Variants in ZNF160 observed in about 807,000 individuals in gnomAD.
The protein encoded by ZNF160 is KRAB zinc finger protein KR18.
A neutral mutation model predicts 13.1 loss-of-function variants in ZNF160; 9 were observed. That is an observed-to-expected ratio of 0.69 (90% CI 0.41 to 1.20). The LOEUF is 1.20. Among genes scored for constraint, ZNF160 ranks in the 50% most tolerant of loss-of-function variants. The pLI is 0.01. For synonymous variants in ZNF160, 293 were observed against 333.2 expected (o/e 0.88, Z 1.31); for missense variants, 838 against 988.0 (o/e 0.85, Z 2.04).
At chr19:53,095,379 C>T (rs1467637035) in intron 1 of ZNF160, 1 of 151,790 alleles carries the variant, frequency 6.6e-6, no homozygotes, top group African/African-American at 2.4e-5. Flanking sequence ...AGCATTCAGG[C>T]CTTTCAGGGC....
chr19:53,066,791 T>C lies in ZNF160; in HGVS notation c.*1286A>G, dbSNP rs1376695112. 2.0e-5 allele frequency: 3 copies of C among 152,176 alleles called. No homozygotes were observed. The highest frequency in any genetic ancestry group is 1.3e-4 in the Admixed American group (2 of 15,268). 9.4% of individuals were successfully genotyped at this position (152,176 alleles called of 1,614,324 possible). The stretch of plus-strand genomic sequence containing the variant: ...AACTACTCTCTCTTCAGTTTTTCTT[T>C]TTCTTCTTTAGATGGAGTTTTGTTC... On this transcript the variant is annotated 3_prime_UTR_variant, in exon 6 of 6. Coordinates refer to ENST00000683776, the MANE Select transcript of ZNF160 (RefSeq NM_001322131.2).
chr19:53,101,209 G>A (rs1032935428), intron 1 of ZNF160, among the ~76,000 whole-genome samples: 1 of 152,124 alleles, frequency 6.6e-6, no homozygotes, highest in Non-Finnish European at 1.5e-5. Flanking sequence ...GAACCCAGGA[G>A]ACAGAGGTTG....
chr19:53,073,649 A>ACTGCTTTCTTTCTTG, intron 5 of ZNF160: 1 of 1,198,850 alleles, frequency 8.3e-7, no homozygotes, highest in Non-Finnish European at 1.1e-6. Flanking sequence ...AGACCAAGAA[A>ACTGCTTTCTTTCTTG]GAAAGCAGTT....
At position 53,068,055 on chromosome 19, in the gene ZNF160, G is replaced by C; in HGVS notation, c.*22C>G. 6.4e-7 allele frequency: 1 copy of C among 1,572,250 alleles called. No homozygotes were observed. Among genetic ancestry groups the C allele is most frequent in the Non-Finnish European group, 8.6e-7 (1 of 1,159,130 alleles). Reference sequence around the variant, plus strand: ...TTAACTGATGTGAAAGGAGTGAATTGTACCTAATGACCTCACCACACTCAT... The same window carrying C: ...TTAACTGATGTGAAAGGAGTGAATTCTACCTAATGACCTCACCACACTCAT... On this transcript the variant is annotated 3_prime_UTR_variant, in exon 6 of 6. Coordinates refer to ENST00000683776, the MANE Select transcript of ZNF160 (RefSeq NM_001322131.2).
Position 53,068,315 on chromosome 19 carries a change from T to C in ZNF160, c.2219A>G (p.Lys740Arg). 1.2e-6 allele frequency: 2 copies of C among 1,614,128 alleles called. No homozygotes were observed. Among genetic ancestry groups the C allele is most frequent in the Non-Finnish European group, 8.5e-7 (1 of 1,180,012 alleles). ...KKPYKCNECG[K>R]VFTQNAHLAN... ...CAGGTGAGCATTTTGAGTAAAGACC[T>C]TGCCACATTCATTACATTTGTAAGG... Residue 740 changes from lysine to arginine, a missense_variant, in exon 6 of 6, where the codon AAG (lysine) becomes AGG (arginine). This residue lies in a region of ZNF160 where 400 missense variants were observed against 538.9 expected (regional missense o/e 0.74). Coordinates refer to ENST00000683776, the MANE Select transcript of ZNF160 (RefSeq NM_001322131.2).
intron 2 of ZNF160, among the ~76,000 whole-genome samples, chr19:53,087,584 CTT>C (rs1231360182): frequency 6.6e-6 from 1 of 152,088 alleles, no homozygotes; most frequent in Non-Finnish European, 1.5e-5. Context: ...GAGTTTCACT[CTT>C]GTTGCCCAGG....
chr19:53,085,459 AAAG>A (rs2084794941), intron 3 of ZNF160: 1 of 152,492 alleles, frequency 6.6e-6, no homozygotes, highest in Admixed American at 6.5e-5. Flanking sequence ...TTTCACTATA[AAAG>A]AAATATATAC....
rs12461386 is a variant in ZNF160, at chr19:53,102,783, G to T, written c.-354+482C>A. ...GTTGGAGGAGTACATTTTCCAGGGG[G>T]TGGAGCTGGGCAGGCAAAAACACCG... On this transcript the variant is annotated intron_variant, in intron 1 of 5. Coordinates refer to ENST00000683776, the MANE Select transcript of ZNF160 (RefSeq NM_001322131.2). 5.9e-3 allele frequency among the ~76,000 whole-genome samples: 902 copies of T among 152,314 alleles called. 11 individuals are homozygous for T. The highest frequency in any genetic ancestry group is 0.021 in the African/African-American group (868 of 41,562).
chr19:53,095,657 T>G (rs1311395070), intron 1 of ZNF160: 1 of 152,144 alleles, frequency 6.6e-6, no homozygotes, highest in Admixed American at 6.5e-5. Context: ...TGTCTAGTCT[T>G]TGCTTTGCAT....
chr19:53,098,721 C>T (rs1279234893), intron 1 of ZNF160, among the ~76,000 whole-genome samples: 1 of 151,516 alleles, frequency 6.6e-6, no homozygotes, highest in Non-Finnish European at 1.5e-5. Flanking sequence ...GAATCCAGGA[C>T]CCCTGACTGC....
At chr19:53,082,313 A>G (rs1404098643) in intron 3 of ZNF160, among the ~76,000 whole-genome samples, 1 of 152,244 alleles carries the variant, frequency 6.6e-6, no homozygotes, top group East Asian at 1.9e-4. Context: ...GTACACAAAA[A>G]AATTCAAATC....
Position 53,083,170 on chromosome 19 carries a change from T to C in ZNF160, c.15+3092A>G, listed in dbSNP as rs1306592383. ...CTTTTGTGTTTTCATAGAAACTTCA[T>C]GAAGTAGGCATGATTAAACCATTGG... On this transcript the variant is annotated intron_variant, in intron 3 of 5. Coordinates refer to ENST00000683776, the MANE Select transcript of ZNF160 (RefSeq NM_001322131.2). 3.9e-5 allele frequency among the ~76,000 whole-genome samples: 6 copies of C among 152,322 alleles called. No individual in the cohort carries two copies. In the South Asian group the frequency reaches 1.0e-3, roughly 26 times the overall value.
chr19:53,075,360 A>C, intron 3 of ZNF160, 177 bp from the exon 4 acceptor site: 1 of 695,962 alleles, frequency 1.4e-6, no homozygotes, highest in East Asian at 2.9e-5. Context: ...CTGACATAAG[A>C]GCTCACTTGA....
intron 3 of ZNF160, among the ~76,000 whole-genome samples, chr19:53,080,851 T>C (rs779057138): frequency 1.4e-4 from 21 of 152,262 alleles, no homozygotes; most frequent in Non-Finnish European, 2.9e-4. Context: ...CAAAACAGCA[T>C]GGTACTGGTA....
At chr19:53,099,952 C>T (rs1271056839) in intron 1 of ZNF160, among the ~76,000 whole-genome samples, 1 of 152,208 alleles carries the variant, frequency 6.6e-6, no homozygotes, top group Non-Finnish European at 1.5e-5. Context: ...CTGGAAAATT[C>T]CAGGATCTTC....
At position 53,080,652 on chromosome 19, in the gene ZNF160, G is replaced by T. The variant is rs539870240; in HGVS notation, c.16-5469C>A. On this transcript the variant is annotated intron_variant, in intron 3 of 5. Coordinates refer to ENST00000683776, the MANE Select transcript of ZNF160 (RefSeq NM_001322131.2). ...CAATGAAATGTCCAAACTGCCCAAA[G>T]CAATCTATAGATTCAACAGTATTCC... Among the ~76,000 whole-genome samples, 1,167 of 152,292 alleles carry T rather than the reference G, an allele frequency of 7.7e-3. 12 individuals carry two copies. The highest frequency in any genetic ancestry group is 0.026 in the African/African-American group (1,084 of 41,556).
At chr19:53,075,851 G>A (rs2145593635) in intron 3 of ZNF160, 1 of 518,404 alleles carries the variant, frequency 1.9e-6, no homozygotes, top group South Asian at 1.4e-5. Context: ...GAGAAGCACA[G>A]GCCACAACTT....
chr19:53,073,467 A>T (rs1189102422), intron 5 of ZNF160: 2 of 1,598,180 alleles, frequency 1.3e-6, no homozygotes, highest in South Asian at 1.1e-5. Flanking sequence ...GGGGCAGCAG[A>T]TGCCAAGGAG....
chr19:53,087,285 G>A (rs999739323), intron 2 of ZNF160, among the ~76,000 whole-genome samples: 4 of 152,214 alleles, frequency 2.6e-5, no homozygotes, highest in African/African-American at 9.6e-5. Flanking sequence ...TGCAGATCAC[G>A]CAGGGAGAGG....
Sources: gnomAD v4.1 joint callset for allele counts (sites outside exome capture counted in the v4.1 genomes callset) on GRCh38, gnomAD v4.1.1 for gene constraint, gnomAD v4.1.1 regional missense constraint, MANE v1.5 for transcripts, NCBI Gene and HGNC (gene_info 2026-07-23, HGNC 2026-07-21) for gene names.